The following GABRG3 variants were observed in gnomAD, a reference collection of about 807,000 sequenced individuals.
GABRG3 encodes the protein gamma-aminobutyric acid receptor subunit gamma-3.
Under a neutral mutation model 48.8 loss-of-function variants are expected in GABRG3, and 25 were observed. That is an observed-to-expected ratio of 0.51 (90% CI 0.37 to 0.72). The LOEUF (loss-of-function observed/expected upper bound fraction) is 0.72. GABRG3 is among the 30% of genes least tolerant of loss of function. The probability of loss-of-function intolerance (pLI) is 0.00; values close to 1 mark genes in which losing one functional copy is unlikely to be tolerated. For synonymous variants in GABRG3, 227 were observed against 217.6 expected, an observed-to-expected ratio of 1.04 and a Z score of -0.38; for missense variants, 394 against 577.9, an observed-to-expected ratio of 0.68 and a Z score of 3.26.
chr15:27,409,189 G>T (rs1269747992), intron 5 of GABRG3, among the ~76,000 whole-genome samples: 1 of 152,004 alleles, frequency 6.6e-6, no homozygotes, highest in Non-Finnish European at 1.5e-5. Flanking sequence ...TGTCTAGACT[G>T]CTGTCTGAAA....
chr15:27,260,743 C>G (rs1890744594), intron 3 of GABRG3, among the ~76,000 whole-genome samples: 9 of 152,054 alleles, frequency 5.9e-5, no homozygotes, highest in Admixed American at 5.9e-4. Flanking sequence ...AATCAAATGT[C>G]AAGAAAGACA....
rs1447495054 is a variant in GABRG3 at position 27,540,564 on chromosome 15, T to C, written c.*7683T>C. On this transcript the variant is annotated 3_prime_UTR_variant, in exon 10 of 10. Coordinates refer to ENST00000615808, the MANE Select transcript of GABRG3 (RefSeq NM_033223.5). ...TATGATCTCTGTTTAGAATAACTATTTTATTAAAACAGTCTAAAAGACACT... is the reference window on the plus strand; with the variant it reads ...TATGATCTCTGTTTAGAATAACTATCTTATTAAAACAGTCTAAAAGACACT... 1 of 146,806 alleles carries C rather than the reference T, an allele frequency of 6.8e-6. No individual in the cohort carries two copies. Among genetic ancestry groups the C allele is most frequent in the Non-Finnish European group, 1.5e-5 (1 of 65,302 alleles). The allele number at this position is 146,806 out of a possible 1,614,324, so 9.1% of individuals were successfully genotyped here.
At chr15:27,520,884 T>A (rs112066872) in intron 7 of GABRG3, among the ~76,000 whole-genome samples, 1 of 23,348 alleles carries the variant, frequency 4.3e-5, no homozygotes, top group Non-Finnish European at 6.8e-5. Context: ...TTTCTCTGTG[T>A]TTTTTTTTTA....
intron 5 of GABRG3, among the ~76,000 whole-genome samples, chr15:27,403,975 A>C (rs1446613535): frequency 7.2e-6 from 1 of 138,372 alleles, no homozygotes; most frequent in African/African-American, 2.7e-5. Context: ...TAGTCCCAGC[A>C]CTTTGGGAGG....
chr15:27,055,844 A>G lies in GABRG3; in HGVS notation c.270+29023A>G, dbSNP rs559537712. ...AAAGCATTCTCAAAAGTCATTGAGA[A>G]AAAAAAATCATCCCAGAAATACTAG... is the stretch of plus-strand genomic sequence containing the variant. On this transcript the variant is annotated intron_variant, in intron 3 of 9. Transcript: ENST00000615808. Among the ~76,000 whole-genome samples, 23 of 152,296 alleles carry G rather than the reference A, an allele frequency of 1.5e-4. 1 individual carries two copies. In the East Asian group the frequency reaches 4.2e-3, roughly 28 times the overall value.
At chr15:27,367,552 C>T (rs1215135808) in intron 5 of GABRG3, among the ~76,000 whole-genome samples, 1 of 152,084 alleles carries the variant, frequency 6.6e-6, no homozygotes, top group Non-Finnish European at 1.5e-5. Context: ...AGTGCCTTGG[C>T]CATTGCATAG....
chr15:27,088,390 G>T (rs978499853), intron 3 of GABRG3, among the ~76,000 whole-genome samples: 2 of 152,042 alleles, frequency 1.3e-5, no homozygotes, highest in Non-Finnish European at 2.9e-5. Flanking sequence ...GAGGGCAGGC[G>T]CTCGTGGGAG....
chr15:27,174,921 G>A (rs560819766), intron 3 of GABRG3, among the ~76,000 whole-genome samples: 2 of 151,990 alleles, frequency 1.3e-5, no homozygotes, highest in South Asian at 2.1e-4. Flanking sequence ...GACACCTTGG[G>A]CATCGGCACA....
intron 3 of GABRG3, among the ~76,000 whole-genome samples, chr15:27,306,960 T>G (rs1892547404): frequency 1.6e-5 from 2 of 127,618 alleles, no homozygotes; most frequent in East Asian, 4.4e-4. Context: ...TATAAACATG[T>G]TTATATATAA....
intron 2 of GABRG3, among the ~76,000 whole-genome samples, chr15:26,999,145 A>G (rs1461356873): frequency 6.6e-6 from 1 of 151,690 alleles, no homozygotes; most frequent in African/African-American, 2.4e-5. Context: ...AAAAAAAAAC[A>G]CAATGAAAAA....
At chr15:27,514,691 A>T (rs1890977298) in intron 6 of GABRG3, among the ~76,000 whole-genome samples, 1 of 152,236 alleles carries the variant, frequency 6.6e-6, no homozygotes, top group Non-Finnish European at 1.5e-5. Flanking sequence ...GAACAATACA[A>T]CTATATGACT....
chr15:27,336,673 G>T (rs1282926324), intron 5 of GABRG3, among the ~76,000 whole-genome samples: 2 of 152,146 alleles, frequency 1.3e-5, no homozygotes, highest in Non-Finnish European at 2.9e-5. Context: ...CATTTATCGT[G>T]GAGAAATGAA....
intron 3 of GABRG3, among the ~76,000 whole-genome samples, chr15:27,038,107 C>G (rs1202362687): frequency 6.6e-6 from 1 of 152,120 alleles, no homozygotes; most frequent in Admixed American, 6.5e-5. Context: ...CCAGAACAGC[C>G]CCATCTCAGT....
intron 3 of GABRG3, among the ~76,000 whole-genome samples, chr15:27,313,100 A>G (rs1893052606): frequency 6.7e-6 from 1 of 148,704 alleles, no homozygotes; most frequent in Non-Finnish European, 1.5e-5. Flanking sequence ...TATATCAGGC[A>G]AAATAGACTA....
At chr15:27,445,757 C>T (rs1264579808) in intron 5 of GABRG3, among the ~76,000 whole-genome samples, 1 of 152,008 alleles carries the variant, frequency 6.6e-6, no homozygotes, top group Non-Finnish European at 1.5e-5. Context: ...AGACTTATTG[C>T]TGTGTTTTCT....
chr15:27,229,990 A>G (rs955948186), intron 3 of GABRG3, among the ~76,000 whole-genome samples: 64 of 152,334 alleles, frequency 4.2e-4, no homozygotes, highest in Non-Finnish European at 7.5e-4. Flanking sequence ...TTCTTTGGAC[A>G]GTATGGACAT....
chr15:27,139,271 G>A (rs943690984), intron 3 of GABRG3, among the ~76,000 whole-genome samples: 2 of 152,164 alleles, frequency 1.3e-5, no homozygotes, highest in Non-Finnish European at 2.9e-5. Context: ...GGTTTGGGGG[G>A]TGCAGAGAGG....
intron 3 of GABRG3, among the ~76,000 whole-genome samples, chr15:27,088,897 G>A (rs1897135881): frequency 2.0e-5 from 3 of 152,100 alleles, no homozygotes; most frequent in South Asian, 2.1e-4. Context: ...CCATGGGGGA[G>A]ATGCATGGGG....
At chr15:27,464,939 A>G (rs1317956369) in intron 5 of GABRG3, among the ~76,000 whole-genome samples, 2 of 152,150 alleles carry the variant, frequency 1.3e-5, no homozygotes, top group African/African-American at 4.8e-5. Flanking sequence ...ACTTTTTTTA[A>G]TCTTGTGGAT....
Sources: gnomAD v4.1 joint callset for allele counts (sites outside exome capture counted in the v4.1 genomes callset) on GRCh38, gnomAD v4.1.1 for gene constraint, MANE v1.5 for transcripts, NCBI Gene and HGNC (gene_info 2026-07-23, HGNC 2026-07-21) for gene names.